Variants in SLC8A1 observed in about 807,000 individuals in gnomAD.
SLC8A1 encodes solute carrier family 8 member A1, also known as sodium/calcium exchanger 1.
In SLC8A1, 18 loss-of-function variants were observed where a neutral mutation model predicts 68.3. The ratio of observed to expected loss-of-function variants is 0.26; its 90% CI spans 0.18 to 0.39. SLC8A1 has a LOEUF of 0.39. Ranked by LOEUF, SLC8A1 falls within the 10% of genes least tolerant of loss-of-function variation. SLC8A1 has a pLI of 1.00. For synonymous variants in SLC8A1, 475 were observed against 415.5 expected, an observed-to-expected ratio of 1.14 and a Z score of -1.74; for missense variants, 985 against 1,156.7, an observed-to-expected ratio of 0.85 and a Z score of 2.15.
exon 8 of SLC8A1, chr2:40,109,099 G>GAGGGCTGGGCTATATCTTAACTGTC (rs952228073): frequency 6.6e-6 from 1 of 152,138 alleles, no homozygotes; most frequent in African/African-American, 2.4e-5. Flanking sequence ...AACAAATTAG[G>GAGGGCTGGGCTATATCTTAACTGTC]AGGGCTGGGC....
chr2:40,277,411 G>A (rs1386418479), intron 2 of SLC8A1, among the ~76,000 whole-genome samples: 3 of 151,992 alleles, frequency 2.0e-5, no homozygotes, highest in Admixed American at 2.0e-4. Flanking sequence ...GTGGTGGTGG[G>A]TGCCTGTAAT....
At chr2:40,428,527 C>G (rs1697469613) in exon 2 of SLC8A1, 1 of 1,612,566 alleles carries the variant, frequency 6.2e-7, no homozygotes, top group South Asian at 1.1e-5. Context: ...AAAATCCTCC[C>G]CTCCACCTCT....
chr2:40,279,108 T>C (rs2067162148), intron 2 of SLC8A1, among the ~76,000 whole-genome samples: 2 of 152,198 alleles, frequency 1.3e-5, no homozygotes, highest in Non-Finnish European at 1.5e-5. Flanking sequence ...CATTTTGAAA[T>C]GTGTGGTCCA....
At chr2:40,376,987 C>T (rs965396931) in intron 2 of SLC8A1, among the ~76,000 whole-genome samples, 10 of 152,036 alleles carry the variant, frequency 6.6e-5, no homozygotes, top group Admixed American at 2.0e-4. Flanking sequence ...GGGAACAATA[C>T]ATACAACTTG....
At chr2:40,498,501 A>T (rs1705853535) in intron 1 of SLC8A1, among the ~76,000 whole-genome samples, 1 of 152,098 alleles carries the variant, frequency 6.6e-6, no homozygotes, top group African/African-American at 2.4e-5. Flanking sequence ...AGGGATCTAA[A>T]ACCTATCAGA....
intron 2 of SLC8A1, among the ~76,000 whole-genome samples, chr2:40,370,907 G>A (rs979962642): frequency 1.3e-5 from 2 of 151,992 alleles, no homozygotes; most frequent in Admixed American, 6.6e-5. Context: ...ATGAAGCCAA[G>A]GTCAGTGCAT....
intron 2 of SLC8A1, among the ~76,000 whole-genome samples, chr2:40,262,123 C>T (rs192292528): frequency 7.2e-5 from 11 of 152,162 alleles, no homozygotes; most frequent in Admixed American, 5.2e-4. Flanking sequence ...CCATCACGCC[C>T]AGCTAATTTT....
intron 1 of SLC8A1, among the ~76,000 whole-genome samples, chr2:40,508,664 A>T (rs2149944546): frequency 6.6e-6 from 1 of 152,272 alleles, no homozygotes; most frequent in Middle Eastern, 3.4e-3. Flanking sequence ...ACATGCTGAA[A>T]CTTTTAAAAT....
At chr2:40,255,466 TCTC>T (rs1408607387) in intron 2 of SLC8A1, among the ~76,000 whole-genome samples, 1 of 152,122 alleles carries the variant, frequency 6.6e-6, no homozygotes, top group African/African-American at 2.4e-5. Context: ...ACAGAGAACA[TCTC>T]CACTATCATC....
At chr2:40,325,962 T>C (rs1462087043) in intron 2 of SLC8A1, among the ~76,000 whole-genome samples, 1 of 151,998 alleles carries the variant, frequency 6.6e-6, no homozygotes, top group African/African-American at 2.4e-5. Context: ...TGGGCCTCCA[T>C]AATGTCAAGA....
chr2:40,365,295 T>TTGA (rs1675791825), intron 2 of SLC8A1, among the ~76,000 whole-genome samples: 1 of 152,122 alleles, frequency 6.6e-6, no homozygotes, highest in African/African-American at 2.4e-5. Context: ...CAGCTATACA[T>TTGA]TGACATATCA....
chr2:40,120,776 A>T (rs1490791121), intron 7 of SLC8A1: 1 of 152,230 alleles, frequency 6.6e-6, no homozygotes, highest in Non-Finnish European at 1.5e-5. Context: ...ACTACATGGC[A>T]CAGTCATTTA....
chr2:40,202,805 T>C (rs1418825912), intron 2 of SLC8A1, among the ~76,000 whole-genome samples: 3 of 152,002 alleles, frequency 2.0e-5, no homozygotes, highest in East Asian at 1.9e-4. Flanking sequence ...TGTTCATGAA[T>C]TGCAATTACC....
intron 2 of SLC8A1, among the ~76,000 whole-genome samples, chr2:40,256,181 C>T (rs1021217197): frequency 9.9e-5 from 15 of 152,144 alleles, no homozygotes; most frequent in East Asian, 5.8e-4. Flanking sequence ...AATGAACATC[C>T]GGTGATATTG....
intron 2 of SLC8A1, among the ~76,000 whole-genome samples, chr2:40,363,597 T>C (rs777111720): frequency 3.3e-5 from 5 of 152,174 alleles, no homozygotes; most frequent in Non-Finnish European, 7.3e-5. Context: ...CTTACCATTA[T>C]GTCAGTTGTT....
chr2:40,153,306 A>G (rs900312627), intron 6 of SLC8A1, among the ~76,000 whole-genome samples: 1 of 152,210 alleles, frequency 6.6e-6, no homozygotes, highest in Non-Finnish European at 1.5e-5. Flanking sequence ...TTCTAATGCT[A>G]TTAACTCACA....
At chr2:40,454,708 C>A (rs1463780308), upstream of SLC8A1, among the ~76,000 whole-genome samples, 1 of 152,178 alleles carries the variant, frequency 6.6e-6, no homozygotes, top group Non-Finnish European at 1.5e-5. Flanking sequence ...CCCTAATTTT[C>A]TTTGCCTTTC....
At chr2:40,290,380 T>G (rs536731859) in intron 2 of SLC8A1, among the ~76,000 whole-genome samples, 1 of 152,276 alleles carries the variant, frequency 6.6e-6, no homozygotes, top group African/African-American at 2.4e-5. Context: ...GGAGATAGCA[T>G]TAGATTTTAA....
At chr2:40,303,526 G>T (rs1459722036) in intron 2 of SLC8A1, among the ~76,000 whole-genome samples, 1 of 152,146 alleles carries the variant, frequency 6.6e-6, no homozygotes, top group Non-Finnish European at 1.5e-5. Flanking sequence ...GTCTTTCTTG[G>T]ACCATCTCAA....
Sources: gnomAD v4.1 joint callset for allele counts (sites outside exome capture counted in the v4.1 genomes callset) on GRCh38, gnomAD v4.1.1 for gene constraint, MANE v1.5 for transcripts, NCBI Gene and HGNC (gene_info 2026-07-23, HGNC 2026-07-21) for gene names.